NPAS3: variants seen among roughly 807,000 people sequenced by gnomAD.
The protein encoded by NPAS3 is neuronal PAS domain protein 3.
NPAS3 carries 14 observed loss-of-function variants against 73.1 expected under a neutral mutation model. That is an observed-to-expected ratio of 0.19 (90% CI 0.13 to 0.30). The LOEUF (loss-of-function observed/expected upper bound fraction) is 0.30. Ranked by LOEUF, NPAS3 falls within the 10% of genes least tolerant of loss-of-function variation. The pLI, the probability that NPAS3 is intolerant of heterozygous loss-of-function variation, is 1.00. For synonymous variants in NPAS3, 620 were observed against 541.5 expected, an observed-to-expected ratio of 1.14 and a Z score of -2.01; for missense variants, 1,096 against 1,250.0, an observed-to-expected ratio of 0.88 and a Z score of 1.86.
At chr14:33,202,298 G>A (rs998408000) in intron 2 of NPAS3, among the ~76,000 whole-genome samples, 8 of 152,108 alleles carry the variant, frequency 5.3e-5, no homozygotes, top group African/African-American at 1.7e-4. Flanking sequence ...AGCTGCCTGG[G>A]AGGCTGAGGT....
intron 4 of NPAS3, among the ~76,000 whole-genome samples, chr14:33,470,623 T>C (rs1327804999): frequency 6.6e-6 from 1 of 152,180 alleles, no homozygotes; most frequent in Non-Finnish European, 1.5e-5. Context: ...TCCCTAAACA[T>C]ATGTAAGGTG....
In NPAS3 at chr14:33,729,661, T is replaced by C. The variant is rs549170037; in HGVS notation, c.734-5553T>C. On this transcript the variant is annotated intron_variant, in intron 6 of 11. Coordinates refer to ENST00000356141, the Ensembl canonical transcript of NPAS3. ...CCTTCCATAAGACTGACTGCCTAAG[T>C]GTCGTCCCAACGTGGCAACTGGTTT... Among the ~76,000 whole-genome samples, 3 of 152,284 alleles carry C rather than the reference T, an allele frequency of 2.0e-5. No homozygotes were observed. In the South Asian group the frequency reaches 6.2e-4, roughly 32 times the overall value.
Position 33,428,905 on chromosome 14 carries a change from G to C in NPAS3, c.468+61637G>C, listed in dbSNP as rs187023552. 1.5e-3 allele frequency among the ~76,000 whole-genome samples: 225 copies of C among 152,172 alleles called. 3 individuals are homozygous for C. Among genetic ancestry groups the C allele is most frequent in the Non-Finnish European group, 1.1e-3 (75 of 67,978 alleles). On this transcript the variant is annotated intron_variant, in intron 4 of 11. Transcript: ENST00000356141. ...CTAGCTCTACAATATAGTAGAATTA[G>C]ATCCATAGATCGCCTTTTCACTATT...
chr14:33,671,057 A>C (rs530017625), intron 5 of NPAS3, among the ~76,000 whole-genome samples: 1 of 152,318 alleles, frequency 6.6e-6, no homozygotes, highest in African/African-American at 2.4e-5. Flanking sequence ...AGAAAGAAAT[A>C]TCTTGAAAAT....
At chr14:33,597,220 G>C (rs532957691) in intron 5 of NPAS3, among the ~76,000 whole-genome samples, 67 of 152,220 alleles carry the variant, frequency 4.4e-4, no homozygotes, top group African/African-American at 1.6e-3. Flanking sequence ...CACTTTATCA[G>C]CTGTGAGCTA....
At chr14:33,311,247 C>G (rs1481864558) in intron 3 of NPAS3, among the ~76,000 whole-genome samples, 1 of 152,080 alleles carries the variant, frequency 6.6e-6, no homozygotes, top group African/African-American at 2.4e-5. Context: ...ATAGAAAAAT[C>G]AGAAATTTTT....
chr14:33,022,693 C>G (rs2039652228), intron 1 of NPAS3, among the ~76,000 whole-genome samples: 1 of 145,508 alleles, frequency 6.9e-6, no homozygotes, highest in East Asian at 2.0e-4. Context: ...AAAAAAGTTA[C>G]TTTTGTGTAA....
chr14:33,076,420 A>G (rs1464971367), intron 2 of NPAS3, among the ~76,000 whole-genome samples: 1 of 152,198 alleles, frequency 6.6e-6, no homozygotes, highest in Non-Finnish European at 1.5e-5. Context: ...AGGTTATTTT[A>G]TGGTATTTGT....
intron 1 of NPAS3, among the ~76,000 whole-genome samples, chr14:33,022,102 C>T (rs190300143): frequency 6.6e-6 from 1 of 152,286 alleles, no homozygotes; most frequent in Non-Finnish European, 1.5e-5. Context: ...CTCCTGCTCA[C>T]CTACTGCATG....
intron 5 of NPAS3, among the ~76,000 whole-genome samples, chr14:33,654,639 T>G (rs2059092006): frequency 1.3e-5 from 2 of 152,208 alleles, no homozygotes; most frequent in Admixed American, 6.5e-5. Context: ...TTAAAAATTA[T>G]AAACCATCTG....
intron 1 of NPAS3, among the ~76,000 whole-genome samples, chr14:32,999,101 A>G (rs562807183): frequency 2.4e-4 from 37 of 152,260 alleles, no homozygotes; most frequent in African/African-American, 8.2e-4. Flanking sequence ...TTGAATAGCA[A>G]TTTTTGCTTC....
chr14:33,677,596 G>T (rs1051381071), intron 6 of NPAS3, among the ~76,000 whole-genome samples: 2 of 136,640 alleles, frequency 1.5e-5, no homozygotes, highest in Non-Finnish European at 3.1e-5. Flanking sequence ...AAGTAATCAC[G>T]ATATGTTTTC....
chr14:33,342,389 T>A (rs970053467), intron 3 of NPAS3, among the ~76,000 whole-genome samples: 1 of 152,166 alleles, frequency 6.6e-6, no homozygotes, highest in African/African-American at 2.4e-5. Flanking sequence ...ATGTGTGTGG[T>A]CCTGTTTGCA....
chr14:33,497,197 G>A (rs1235944272), intron 4 of NPAS3, among the ~76,000 whole-genome samples: 2 of 152,136 alleles, frequency 1.3e-5, no homozygotes, highest in Non-Finnish European at 2.9e-5. Flanking sequence ...CAAAGTAAGA[G>A]AGGAAACAAA....
At chr14:33,334,791 A>G (rs2044141626) in intron 3 of NPAS3, among the ~76,000 whole-genome samples, 1 of 152,168 alleles carries the variant, frequency 6.6e-6, no homozygotes, top group Non-Finnish European at 1.5e-5. Context: ...TGAGCAGCGT[A>G]TACTTTATCC....
chr14:33,772,768 G>C (rs547058979), intron 7 of NPAS3, among the ~76,000 whole-genome samples: 2 of 152,142 alleles, frequency 1.3e-5, no homozygotes, highest in Non-Finnish European at 2.9e-5. Context: ...TGGTGTTTTA[G>C]CATCCTTGCC....
chr14:33,345,910 T>C (rs2044704698), intron 3 of NPAS3, among the ~76,000 whole-genome samples: 1 of 152,164 alleles, frequency 6.6e-6, no homozygotes, highest in Non-Finnish European at 1.5e-5. Context: ...TCATCAAATA[T>C]CTATGGAAAG....
chr14:33,245,976 G>A (rs1050243595), intron 3 of NPAS3, among the ~76,000 whole-genome samples: 3 of 150,330 alleles, frequency 2.0e-5, no homozygotes, highest in African/African-American at 7.3e-5. Context: ...TAAAAACAAA[G>A]TCTTGCTTTT....
chr14:33,784,748 T>TATTTATTTATTA lies in NPAS3; in HGVS notation c.1153+6176_1153+6177insATTTATTTATTA, dbSNP rs58424536. Among the ~76,000 whole-genome samples the TATTTATTTATTA allele has an allele frequency of 7.5e-5, 8 of 107,230 alleles. 1 individual carries two copies. Among genetic ancestry groups the TATTTATTTATTA allele is most frequent in the Admixed American group, 3.8e-4 (4 of 10,580 alleles). The allele number at this position is 107,230 out of a possible 152,430, so 70.3% of individuals were successfully genotyped here. A position where few individuals can be genotyped will look rare whatever the true frequency, so the allele number is the denominator to read the frequency against. On this transcript the variant is annotated intron_variant, in intron 9 of 11. Coordinates refer to ENST00000356141, the Ensembl canonical transcript of NPAS3. ...TTATTTATTTATTTATTTATTTATTTTTTTTTTTTTTTTTTTTTTGAGACA... is the reference window on the plus strand; with the variant it reads ...TTATTTATTTATTTATTTATTTATTTATTTATTTATTATTTTTTTTTTTTTTTTTTTGAGACA...
Sources: gnomAD v4.1 joint callset for allele counts (sites outside exome capture counted in the v4.1 genomes callset) on GRCh38, gnomAD v4.1.1 for gene constraint, MANE v1.5 for transcripts, NCBI Gene and HGNC (gene_info 2026-07-23, HGNC 2026-07-21) for gene names.